The following BARD1 variants were observed in gnomAD, a reference collection of about 807,000 sequenced individuals.
The protein encoded by BARD1 is BRCA1 associated RING domain 1.
BARD1 carries 73 observed loss-of-function variants against 77.0 expected under a neutral mutation model. The observed-to-expected ratio is 0.95, with a 90% CI of 0.79 to 1.15. The LOEUF is 1.15. Ranked by LOEUF, BARD1 falls within the 50% of genes most tolerant of loss-of-function variation. The pLI, the probability that BARD1 is intolerant of heterozygous loss-of-function variation, is 0.00. For synonymous variants in BARD1, 384 were observed against 338.0 expected (o/e 1.14, Z -1.49); for missense variants, 993 against 938.8 (o/e 1.06, Z -0.75).
In BARD1 at chr2:214,769,274, T is replaced by A. The variant is rs369564500; in HGVS notation, c.1353A>T (p.Gly451=). ...IPSVEYLLQN[G]SDPNVKDHAG... is the part of the protein sequence containing the mutation. ...CATGGTCTTTAACATTTGGATCACT[T>A]CCATTTTGTAAAAGGTATTCAACAG... is the stretch of plus-strand genomic sequence containing the variant. Residue 451 remains glycine (G), a synonymous_variant, in exon 5 of 11, where the codon GGA becomes GGT. Coordinates refer to ENST00000260947, the MANE Select transcript of BARD1 (RefSeq NM_000465.4). 1.1e-5 allele frequency: 18 copies of A among 1,613,816 alleles called. No individual in the cohort carries two copies. In the African/African-American group the frequency reaches 2.3e-4, roughly 20 times the overall value.
At chr2:214,750,839 C>CA (rs1363286143) in intron 7 of BARD1, among the ~76,000 whole-genome samples, 1 of 151,924 alleles carries the variant, frequency 6.6e-6, no homozygotes, top group African/African-American at 2.4e-5. Flanking sequence ...ACAAATCCCC[C>CA]AAACTGAGGA....
intron 2 of BARD1, 112 bp from the exon 3 acceptor site, chr2:214,792,557 A>T (rs1290676725): frequency 9.6e-7 from 1 of 1,041,240 alleles, no homozygotes; most frequent in Non-Finnish European, 1.4e-6. Context: ...CTAACATACA[A>T]TGGTCAATTG....
intron 5 of BARD1, 121 bp downstream of exon 5, chr2:214,769,111 A>C (rs180963813): frequency 3.7e-6 from 3 of 813,108 alleles, no homozygotes; most frequent in African/African-American, 1.7e-5. Context: ...TGATGAAAAC[A>C]TAAGTTCTTC....
intron 1 of BARD1, among the ~76,000 whole-genome samples, chr2:214,806,422 G>GC (rs1429603801): frequency 6.6e-6 from 1 of 152,184 alleles, no homozygotes; most frequent in Non-Finnish European, 1.5e-5. Context: ...GTTGCTCCTT[G>GC]CCGGCAATGT....
In BARD1 at chr2:214,727,109, A is replaced by T. The variant is rs2105983333; in HGVS notation, c.*1567T>A. 4.6e-6 allele frequency: 1 copy of T among 216,418 alleles called. No homozygotes were observed. The highest frequency in any genetic ancestry group is 2.2e-5 in the African/African-American group (1 of 44,622). The allele number at this position is 216,418 out of a possible 1,614,324, so 13.4% of individuals were successfully genotyped here. ...ATTTTCTATCAGAATGAAATGTGGG[A>T]CAAATGCATTACTGGTTGTAGAGAG... On this transcript the variant is annotated 3_prime_UTR_variant, in exon 11 of 11. Coordinates refer to ENST00000260947, the MANE Select transcript of BARD1 (RefSeq NM_000465.4).
At chr2:214,751,141 ATATATATATATTTTTTTTTTTTTT>A (rs1293879952) in intron 7 of BARD1, among the ~76,000 whole-genome samples, 1 of 19,500 alleles carries the variant, frequency 5.1e-5, no homozygotes, top group Non-Finnish European at 1.3e-4. Context: ...ATATATATAT[ATATATATATATTTTTTTTTTTTTT>A]TTTTTTTTTT....
intron 2 of BARD1, among the ~76,000 whole-genome samples, chr2:214,794,890 T>C (rs1460678433): frequency 6.6e-6 from 1 of 152,222 alleles, no homozygotes; most frequent in Non-Finnish European, 1.5e-5. Flanking sequence ...CCTACGTTCA[T>C]GTCATATACA....
At position 214,727,462 on chromosome 2, in the gene BARD1, G is replaced by A; in HGVS notation, c.*1214C>T. On this transcript the variant is annotated 3_prime_UTR_variant, in exon 11 of 11. Coordinates refer to ENST00000260947, the MANE Select transcript of BARD1 (RefSeq NM_000465.4). ...TATAAGTATATTCAATGTCTAGGAAGGAATTATTAAAGAATTCTGCTTCTT... is the reference window on the plus strand; with the variant it reads ...TATAAGTATATTCAATGTCTAGGAAAGAATTATTAAAGAATTCTGCTTCTT... 1 of 231,774 alleles carries A rather than the reference G, an allele frequency of 4.3e-6. No homozygotes were observed. Among genetic ancestry groups the A allele is most frequent in the South Asian group, 1.8e-4 (1 of 5,518 alleles). 14.4% of individuals were successfully genotyped at this position (231,774 alleles called of 1,614,324 possible).
rs777834576 is a variant in BARD1, at chr2:214,809,367, G to A, written c.158+45C>T. On this transcript the variant is annotated intron_variant, in intron 1 of 10. Transcript: ENST00000260947. ...AGATTCTGCCGCCCCCAGAAACTGT[G>A]CGACCCGTGCCCTCGCAGCCACCCC... 27 of 1,608,640 alleles carry A rather than the reference G, an allele frequency of 1.7e-5. No individual in the cohort carries two copies. In the African/African-American group the frequency reaches 2.8e-4, roughly 17 times the overall value.
At chr2:214,746,107 C>A (rs1197282928) in intron 7 of BARD1, among the ~76,000 whole-genome samples, 1 of 152,084 alleles carries the variant, frequency 6.6e-6, no homozygotes. Context: ...TAAATTGGGT[C>A]TCTCTAGGGT....
chr2:214,770,472 CACA>C (rs1431536338), intron 4 of BARD1, among the ~76,000 whole-genome samples: 2 of 152,164 alleles, frequency 1.3e-5, no homozygotes, highest in Non-Finnish European at 2.9e-5. Flanking sequence ...CTTTAGAAAT[CACA>C]ACCTCTTTTT....
chr2:214,763,683 A>T (rs981921744), intron 6 of BARD1, among the ~76,000 whole-genome samples: 5 of 152,204 alleles, frequency 3.3e-5, no homozygotes, highest in African/African-American at 1.2e-4. Context: ...GTTATTGAGA[A>T]AAGAGTTCCA....
intron 4 of BARD1, among the ~76,000 whole-genome samples, chr2:214,773,273 G>A (rs13423596): frequency 0.11 from 16,786 of 152,078 alleles, 1,093 homozygotes; most frequent in African/African-American, 0.17. Context: ...AATACAGAAC[G>A]TTACAATTAA....
chr2:214,798,333 T>G (rs1044354098), intron 1 of BARD1, among the ~76,000 whole-genome samples: 8 of 152,148 alleles, frequency 5.3e-5, no homozygotes, highest in African/African-American at 1.7e-4. Flanking sequence ...TCACAGTATG[T>G]AAAACGTACA....
intron 6 of BARD1, among the ~76,000 whole-genome samples, chr2:214,756,033 A>C (rs6759222): frequency 0.8 from 122,196 of 152,132 alleles, 49,158 homozygotes; most frequent in East Asian, 0.91. Flanking sequence ...CAGTGAATTG[A>C]AAATGATTAT....
chr2:214,763,518 C>T (rs1694054876), intron 6 of BARD1, among the ~76,000 whole-genome samples: 1 of 152,120 alleles, frequency 6.6e-6, no homozygotes, highest in Non-Finnish European at 1.5e-5. Context: ...AATGTCTATG[C>T]TAGAGCTAAA....
chr2:214,789,736 T>A (rs1292305737), intron 3 of BARD1, among the ~76,000 whole-genome samples: 1 of 152,048 alleles, frequency 6.6e-6, no homozygotes, highest in Non-Finnish European at 1.5e-5. Context: ...GGTCCTCAGT[T>A]TCCTTACCTA....
chr2:214,798,193 T>C (rs985550613), intron 1 of BARD1, among the ~76,000 whole-genome samples: 1 of 152,098 alleles, frequency 6.6e-6, no homozygotes, highest in Admixed American at 6.5e-5. Context: ...TCAAGTGAAA[T>C]TGAGATTTTC....
At chr2:214,783,852 T>G (rs886359767) in intron 3 of BARD1, among the ~76,000 whole-genome samples, 24 of 152,092 alleles carry the variant, frequency 1.6e-4, no homozygotes, top group Non-Finnish European at 2.9e-4. Context: ...TCCTTACACC[T>G]TATATAAAAA....
Sources: allele counts gnomAD v4.1 joint callset (sites outside exome capture counted in the v4.1 genomes callset), GRCh38; gene constraint gnomAD v4.1.1; transcripts MANE v1.5; gene names NCBI Gene and HGNC (gene_info 2026-07-23, HGNC 2026-07-21).